The following FUCA1 variants were observed in gnomAD, a reference collection of about 807,000 sequenced individuals.
FUCA1 encodes tissue alpha-L-fucosidase.
Under a neutral mutation model 56.8 loss-of-function variants are expected in FUCA1, and 52 were observed. That is an observed-to-expected ratio of 0.92 (90% CI 0.73 to 1.15). The LOEUF is 1.15. Among genes scored for constraint, FUCA1 ranks in the 50% most tolerant of loss-of-function variants. The pLI is 0.00. For synonymous variants in FUCA1, 230 were observed against 226.6 expected (o/e 1.02, Z -0.14); for missense variants, 568 against 592.6 (o/e 0.96, Z 0.43).
At chr1:23,852,729 C>T (rs1037146155) in intron 5 of FUCA1, among the ~76,000 whole-genome samples, 17 of 152,180 alleles carry the variant, frequency 1.1e-4, no homozygotes, top group African/African-American at 2.2e-4. Context: ...CCGCCAGCCT[C>T]GGCCTCCAGA....
intron 4 of FUCA1, among the ~76,000 whole-genome samples, chr1:23,855,556 GATTT>G (rs1557510718): frequency 6.6e-6 from 1 of 152,182 alleles, no homozygotes; most frequent in Non-Finnish European, 1.5e-5. Context: ...GGCAAAAAGA[GATTT>G]ATTAAAAGTT....
At chr1:23,860,156 G>A (rs541072260) in intron 3 of FUCA1, among the ~76,000 whole-genome samples, 16 of 152,190 alleles carry the variant, frequency 1.1e-4, no homozygotes, top group African/African-American at 3.9e-4. Flanking sequence ...ACTGATTTTT[G>A]CAACAAATAT....
rs141602265 is a variant in FUCA1 at position 23,867,527 on chromosome 1, T to C, written c.389+371A>G. Among the ~76,000 whole-genome samples the C allele has an allele frequency of 6.0e-3, 914 of 152,240 alleles. 3 individuals carry two copies. Among genetic ancestry groups the C allele is most frequent in the Non-Finnish European group, 9.5e-3 (644 of 68,012 alleles). ...GCTGCAGGGAGGCTGAAGTGACATGTCCAGGTTCACAGTTGAATTAGAACC... is the reference window on the plus strand; with the variant it reads ...GCTGCAGGGAGGCTGAAGTGACATGCCCAGGTTCACAGTTGAATTAGAACC... On this transcript the variant is annotated intron_variant, in intron 1 of 7. Transcript: ENST00000374479. This position sits in a 1 kb window ranked among gnomAD's most constrained non-coding sequence, Gnocchi z 4.9.
intron 4 of FUCA1, among the ~76,000 whole-genome samples, chr1:23,856,471 CTTTG>C (rs550017706): frequency 6.4e-4 from 98 of 152,326 alleles, no homozygotes; most frequent in African/African-American, 2.2e-3. Flanking sequence ...CTACAATGTA[CTTTG>C]TTTGTATGTC....
intron 2 of FUCA1, among the ~76,000 whole-genome samples, chr1:23,864,630 G>T (rs1050231433): frequency 5.3e-5 from 8 of 151,896 alleles, no homozygotes; most frequent in African/African-American, 1.9e-4. Flanking sequence ...TTTACAGCAG[G>T]ACTTTAAGCA....
At chr1:23,852,100 T>TAATACTAATAATAAA (rs370893792) in intron 5 of FUCA1, among the ~76,000 whole-genome samples, 30 of 149,784 alleles carry the variant, frequency 2.0e-4, no homozygotes, top group African/African-American at 7.1e-4. Flanking sequence ...ATAATAATAA[T>TAATACTAATAATAAA]AAAAAGTGGT....
In FUCA1 at chr1:23,846,082, T is replaced by G. The variant is rs1349611752; in HGVS notation, c.1252A>C (p.Thr418Pro). The G allele has an allele frequency of 6.2e-7, 1 of 1,611,896 alleles. No individual in the cohort carries two copies. Among genetic ancestry groups the G allele is most frequent in the Non-Finnish European group, 8.5e-7 (1 of 1,178,104 alleles). ...TGACTAAGCCTCTTTACCTTTGTAGTTGAGGTAGTTATGGGGGATTCAAGG... is the reference window on the plus strand; with the variant it reads ...TGACTAAGCCTCTTTACCTTTGTAGGTGAGGTAGTTATGGGGGATTCAAGG... ...LNLESPITTS[T>P]TKITMLGIQG... Residue 418 changes from threonine (T) to proline (P), a missense_variant, in exon 7 of 8, where the codon ACT becomes CCT. Transcript: ENST00000374479.
intron 5 of FUCA1, among the ~76,000 whole-genome samples, chr1:23,850,764 G>A (rs2148439944): frequency 6.6e-6 from 1 of 152,208 alleles, no homozygotes; most frequent in Middle Eastern, 3.4e-3. Flanking sequence ...GGGATTACAG[G>A]TGTCAGCCAC....
chr1:23,851,402 A>G (rs1639255640), intron 5 of FUCA1, among the ~76,000 whole-genome samples: 1 of 151,974 alleles, frequency 6.6e-6, no homozygotes, highest in African/African-American at 2.4e-5. Flanking sequence ...ACATACATAC[A>G]TACATACATA....
At chr1:23,864,050 T>G (rs1639567487) in intron 2 of FUCA1, among the ~76,000 whole-genome samples, 1 of 151,992 alleles carries the variant, frequency 6.6e-6, no homozygotes, top group Non-Finnish European at 1.5e-5. Context: ...TCGTTTTATT[T>G]ATCTAAGATT....
rs139853637 is a variant in FUCA1 at position 23,858,176 on chromosome 1, T to C, written c.768+1622A>G. ...GCCTTCCAGGTTCACACCATTCTCC[T>C]GCCTCAGCCTCCTGAGCAGCTGGGA... On this transcript the variant is annotated intron_variant, in intron 4 of 7. Transcript: ENST00000374479. Among the ~76,000 whole-genome samples the C allele has an allele frequency of 9.0e-3, 1,374 of 152,220 alleles. 18 individuals carry two copies. Among genetic ancestry groups the C allele is most frequent in the African/African-American group, 0.032 (1,342 of 41,542 alleles).
At position 23,849,281 on chromosome 1, in the gene FUCA1, T is replaced by C. The variant is rs375443268; in HGVS notation, c.970-442A>G. On this transcript the variant is annotated intron_variant, in intron 5 of 7. Coordinates refer to ENST00000374479, the MANE Select transcript of FUCA1 (RefSeq NM_000147.5). ...GATCACAAGCATGAGTCACCGCACC[T>C]GAGCTAAAAATTCTCTCTCTATATA... 1.7e-4 allele frequency among the ~76,000 whole-genome samples: 26 copies of C among 152,302 alleles called. No individual in the cohort carries two copies. The East Asian group carries it at 2.1e-3, about 12-fold the overall frequency.
Position 23,857,592 on chromosome 1 carries a change from G to C in FUCA1, c.768+2206C>G, listed in dbSNP as rs539764863. 4.6e-5 allele frequency among the ~76,000 whole-genome samples: 7 copies of C among 152,144 alleles called. No individual in the cohort carries two copies. The South Asian group carries it at 1.5e-3, about 32-fold the overall frequency. ...TGCTCACTGCAACCTCCGCCTCCCG[G>C]GTTTAAGCAATTCTCTGCCTCAGCC... On this transcript the variant is annotated intron_variant, in intron 4 of 7. Coordinates refer to ENST00000374479, the MANE Select transcript of FUCA1 (RefSeq NM_000147.5).
Position 23,859,843 on chromosome 1 carries a change from G to A in FUCA1, c.723C>T (p.Asn241=). The A allele has an allele frequency of 6.2e-7, 1 of 1,613,582 alleles. No homozygotes were observed. Among genetic ancestry groups the A allele is most frequent in the Non-Finnish European group, 8.5e-7 (1 of 1,179,520 alleles). The change falls in exon 4 of 8, where the codon AAC becomes AAT. Residue 241 remains asparagine, a synonymous_variant. Coordinates refer to ENST00000374479, the MANE Select transcript of FUCA1 (RefSeq NM_000147.5). ...AGAGCCATGAAAGAAAATTTGTGGA[G>A]TTCCAGTAAGTATCAGGACATTCCC... ...GEWECPDTYW[N]STNFLSWLYN...
chr1:23,857,269 C>T lies in FUCA1; in HGVS notation c.768+2529G>A, dbSNP rs533887878. ...TTAACAATCTGAATTCTTGGTTCAA[C>T]ACCCACCTACTTTTCCTATTTATTC... On this transcript the variant is annotated intron_variant, in intron 4 of 7. Transcript: ENST00000374479. Among the ~76,000 whole-genome samples the T allele has an allele frequency of 2.0e-5, 3 of 152,282 alleles. No individual in the cohort carries two copies. The East Asian group carries it at 5.8e-4, about 29-fold the overall frequency.
At chr1:23,849,575 CTTTTTTTTTTTTTT>C (rs991049814) in intron 5 of FUCA1, among the ~76,000 whole-genome samples, 1 of 80,262 alleles carries the variant, frequency 1.2e-5, no homozygotes, top group Non-Finnish European at 2.3e-5. Flanking sequence ...GAGATACGTT[CTTTTTTTTTTTTTT>C]TTTTTTTTTT....
chr1:23,848,510 C>T, intron 6 of FUCA1, 139 bp downstream of exon 6: 1 of 805,648 alleles, frequency 1.2e-6, no homozygotes, highest in Non-Finnish European at 2.1e-6. Flanking sequence ...AAATGGGGTA[C>T]AAATTTTATA....
chr1:23,853,305 A>G (rs931362178), intron 5 of FUCA1, among the ~76,000 whole-genome samples: 1 of 150,682 alleles, frequency 6.6e-6, no homozygotes, highest in Non-Finnish European at 1.5e-5. Flanking sequence ...GTAAGTGAGG[A>G]GCGTCTCTGC....
At chr1:23,846,595 G>A (rs1240553661) in intron 6 of FUCA1, among the ~76,000 whole-genome samples, 5 of 143,724 alleles carry the variant, frequency 3.5e-5, no homozygotes, top group Non-Finnish European at 6.1e-5. Context: ...TTTTTGAGAC[G>A]AAGCCTTGTT....
Sources: gnomAD v4.1 joint callset for allele counts (sites outside exome capture counted in the v4.1 genomes callset) on GRCh38, gnomAD v4.1.1 for gene constraint, Gnocchi (gnomAD v3.1) non-coding constraint, MANE v1.5 for transcripts, NCBI Gene and HGNC (gene_info 2026-07-23, HGNC 2026-07-21) for gene names.